Variants in STAG1 observed in about 807,000 individuals in gnomAD.
STAG1 encodes cohesin subunit SA-1.
Under a neutral mutation model 170.9 loss-of-function variants are expected in STAG1, and 26 were observed. The observed-to-expected ratio is 0.15, with a 90% confidence interval of 0.11 to 0.21. STAG1 has a LOEUF of 0.21. STAG1 is among the 10% of genes least tolerant of loss of function. The probability of loss-of-function intolerance (pLI) is 1.00; values close to 1 mark genes in which losing one functional copy is unlikely to be tolerated. For missense variants in STAG1, 964 were observed against 1,509.5 expected, an observed-to-expected ratio of 0.64 and a Z score of 5.99; for synonymous variants, 514 against 497.7, an observed-to-expected ratio of 1.03 and a Z score of -0.44.
chr3:136,540,822 C>CAAAAAAAAAAAAAAAAAAAAAAAAAAAAA (rs554338920), intron 6 of STAG1, among the ~76,000 whole-genome samples: 13 of 46,306 alleles, frequency 2.8e-4, no homozygotes, highest in Non-Finnish European at 4.0e-4. Context: ...ACTGTGTCTC[C>CAAAAAAAAAAAAAAAAAAAAAAAAAAAAA]AAAAAAAAAA....
intron 23 of STAG1, 75 bp from the exon 24 acceptor site, chr3:136,369,357 G>A: frequency 1.6e-6 from 2 of 1,248,684 alleles, no homozygotes; most frequent in Non-Finnish European, 2.2e-6. Context: ...GAAAATGTAT[G>A]AAATTAAAAC....
chr3:136,537,561 C>T (rs745519528), intron 6 of STAG1, among the ~76,000 whole-genome samples: 2 of 143,948 alleles, frequency 1.4e-5, no homozygotes, highest in East Asian at 2.0e-4. Context: ...AGTGTGGTGG[C>T]GTGATCTCGG....
chr3:136,573,758 G>C (rs1489418441), intron 4 of STAG1, among the ~76,000 whole-genome samples: 2 of 152,070 alleles, frequency 1.3e-5, no homozygotes, highest in Non-Finnish European at 2.9e-5. Flanking sequence ...GGATCACGAG[G>C]TCAGGAGATG....
chr3:136,620,223 G>T lies in STAG1; in HGVS notation c.132+2923C>A, dbSNP rs1240864843. On this transcript the variant is annotated intron_variant, in intron 3 of 33. Coordinates refer to ENST00000383202, the MANE Select transcript of STAG1 (RefSeq NM_005862.3). ...TTTTAAAAGTAATAAATTTTAAAAG[G>T]ATTAAACTTAAAAAAAGAAGTGATG... Among the ~76,000 whole-genome samples, 4 of 133,606 alleles carry T rather than the reference G, an allele frequency of 3.0e-5. No individual in the cohort carries two copies. The East Asian group carries it at 7.7e-4, about 26-fold the overall frequency. The allele number at this position is 133,606 out of a possible 152,430, so 87.7% of individuals were successfully genotyped here. A position where few individuals can be genotyped will look rare whatever the true frequency, so the allele number is the denominator to read the frequency against.
In STAG1 at chr3:136,572,440, C is replaced by T. The variant is rs550206982; in HGVS notation, c.298-3579G>A. On this transcript the variant is annotated intron_variant, in intron 4 of 33. Coordinates refer to ENST00000383202, the MANE Select transcript of STAG1 (RefSeq NM_005862.3). ...AAAACCCGCCTCTACCAAAAATCCA[C>T]GAATTAGTCAGGTGTGGTGGTGCAC... Among the ~76,000 whole-genome samples the T allele has an allele frequency of 8.6e-5, 13 of 150,992 alleles. No individual in the cohort carries two copies. The East Asian group carries it at 1.4e-3, about 16-fold the overall frequency.
chr3:136,496,303 G>A (rs898826741), intron 9 of STAG1, among the ~76,000 whole-genome samples: 2 of 152,092 alleles, frequency 1.3e-5, no homozygotes, highest in Admixed American at 6.6e-5. Context: ...GGTATAAGAC[G>A]CTAGCCAACA....
At chr3:136,452,437 A>G (rs1176886958) in intron 13 of STAG1, among the ~76,000 whole-genome samples, 2 of 151,572 alleles carry the variant, frequency 1.3e-5, no homozygotes, top group South Asian at 4.2e-4. Flanking sequence ...GGTGGCGGGC[A>G]CCTGTAGTCC....
intron 1 of STAG1, among the ~76,000 whole-genome samples, chr3:136,695,792 G>T (rs1012735978): frequency 7.0e-6 from 1 of 143,714 alleles, no homozygotes; most frequent in South Asian, 2.1e-4. Flanking sequence ...AGTTCAATCC[G>T]AAAGAGACTT....
chr3:136,722,815 C>T (rs1011617376), intron 1 of STAG1, among the ~76,000 whole-genome samples: 1 of 152,144 alleles, frequency 6.6e-6, no homozygotes, highest in African/African-American at 2.4e-5. Flanking sequence ...CCTCAGCCTG[C>T]CGAGTGCCTG....
chr3:136,675,129 A>G (rs1192873043), intron 1 of STAG1, among the ~76,000 whole-genome samples: 1 of 152,242 alleles, frequency 6.6e-6, no homozygotes, highest in Non-Finnish European at 1.5e-5. Context: ...AAGGATTTAG[A>G]CAGGAAAGCT....
chr3:136,611,695 G>C (rs1182668323), intron 3 of STAG1, among the ~76,000 whole-genome samples: 1 of 118,708 alleles, frequency 8.4e-6, no homozygotes, highest in African/African-American at 3.3e-5. Context: ...TGGTACAGAT[G>C]GGTTTTGCCA....
In STAG1 at chr3:136,633,962, TAAAAAAAAAAAAAAA is replaced by T. The variant is rs67810422; in HGVS notation, c.-83-2996_-83-2982del. On this transcript the variant is annotated intron_variant, in intron 1 of 33. Transcript: ENST00000383202. ...AACATGGTGAAACCCTGTCTCTACT[TAAAAAAAAAAAAAAA>T]AAAAAAAAAAAAAATTAGCCAGGCA... is the stretch of plus-strand genomic sequence containing the variant. Among the ~76,000 whole-genome samples the T allele has an allele frequency of 5.3e-3, 269 of 50,364 alleles. 3 individuals carry two copies. Among genetic ancestry groups the T allele is most frequent in the African/African-American group, 0.013 (252 of 19,488 alleles). 33.0% of individuals were successfully genotyped at this position (50,364 alleles called of 152,430 possible).
intron 19 of STAG1, among the ~76,000 whole-genome samples, chr3:136,421,427 G>C (rs1474713156): frequency 6.6e-6 from 1 of 152,056 alleles, no homozygotes; most frequent in Non-Finnish European, 1.5e-5. Flanking sequence ...ATTTCTAAGA[G>C]AAAAATGTAC....
chr3:136,349,946 G>A (rs952921305), intron 28 of STAG1, among the ~76,000 whole-genome samples: 2 of 152,118 alleles, frequency 1.3e-5, no homozygotes, highest in African/African-American at 4.8e-5. Context: ...CTTGAGGACA[G>A]CAGTTTGAGA....
At chr3:136,703,349 A>G (rs545497109) in intron 1 of STAG1, among the ~76,000 whole-genome samples, 1 of 152,208 alleles carries the variant, frequency 6.6e-6, no homozygotes, top group Admixed American at 6.5e-5. Context: ...TTATCAGGAC[A>G]GCAGCCCACC....
chr3:136,353,180 A>G (rs904871132), intron 28 of STAG1, among the ~76,000 whole-genome samples: 5 of 152,230 alleles, frequency 3.3e-5, no homozygotes, highest in Non-Finnish European at 7.3e-5. Context: ...AGAGAGAGAA[A>G]AAAGAATAAA....
chr3:136,468,227 T>C (rs555942718), intron 12 of STAG1, among the ~76,000 whole-genome samples: 18 of 152,182 alleles, frequency 1.2e-4, no homozygotes, highest in African/African-American at 3.4e-4. Context: ...AGCTCGTTTT[T>C]TGAAAAGATC....
intron 6 of STAG1, among the ~76,000 whole-genome samples, chr3:136,541,193 G>C (rs1331116069): frequency 1.3e-5 from 2 of 151,970 alleles, no homozygotes; most frequent in Non-Finnish European, 2.9e-5. Flanking sequence ...CCCACTCCCT[G>C]TCAAAGAGCA....
intron 1 of STAG1, among the ~76,000 whole-genome samples, chr3:136,723,381 G>A (rs1403179350): frequency 2.0e-5 from 3 of 149,994 alleles, no homozygotes; most frequent in Admixed American, 6.6e-5. Flanking sequence ...CTACCCGGCC[G>A]CGACCCCGTC....
Sources: allele counts gnomAD v4.1 joint callset (sites outside exome capture counted in the v4.1 genomes callset), GRCh38; gene constraint gnomAD v4.1.1; transcripts MANE v1.5; gene names NCBI Gene and HGNC (gene_info 2026-07-23, HGNC 2026-07-21).